MOB3B: variants seen among roughly 807,000 people sequenced by gnomAD.
MOB3B encodes the protein MOB kinase activator-like 2B.
In MOB3B, 7 loss-of-function variants were observed where a neutral mutation model predicts 18.7. The observed-to-expected ratio is 0.37, with a 90% CI of 0.21 to 0.70. MOB3B has a LOEUF of 0.70. MOB3B is among the 30% of genes least tolerant of loss of function. The pLI is 0.52. For missense variants in MOB3B, 253 were observed against 281.3 expected, an observed-to-expected ratio of 0.90 and a Z score of 0.72; for synonymous variants, 111 against 99.9, an observed-to-expected ratio of 1.11 and a Z score of -0.66.
chr9:27,410,347 T>C (rs868681841), intron 2 of MOB3B, among the ~76,000 whole-genome samples: 1 of 152,156 alleles, frequency 6.6e-6, no homozygotes, highest in Non-Finnish European at 1.5e-5. Flanking sequence ...ATAGTACAAG[T>C]GTAATGAATT....
chr9:27,378,323 T>G (rs773938972), intron 2 of MOB3B: 33 of 470,470 alleles, frequency 7.0e-5, no homozygotes, highest in African/African-American at 5.4e-4. Flanking sequence ...ATGCTGCATC[T>G]GGACATGGGT....
intron 1 of MOB3B, among the ~76,000 whole-genome samples, chr9:27,483,223 C>G (rs542558958): frequency 6.8e-6 from 1 of 147,372 alleles, no homozygotes; most frequent in Admixed American, 7.0e-5. Context: ...AGCTCCGCCT[C>G]CCGGGTTCAC....
intron 2 of MOB3B, among the ~76,000 whole-genome samples, chr9:27,442,935 G>A (rs1011948869): frequency 6.6e-6 from 1 of 152,122 alleles, no homozygotes; most frequent in Non-Finnish European, 1.5e-5. Flanking sequence ...ACAGCCCTGT[G>A]GGATAAGTGT....
intron 1 of MOB3B, among the ~76,000 whole-genome samples, chr9:27,512,330 A>G (rs1390191874): frequency 6.6e-6 from 1 of 152,192 alleles, no homozygotes; most frequent in Non-Finnish European, 1.5e-5. Context: ...GAACATTATG[A>G]GATTATTTAT....
intron 2 of MOB3B, among the ~76,000 whole-genome samples, chr9:27,391,374 G>A (rs1416818031): frequency 6.6e-6 from 1 of 152,124 alleles, no homozygotes; most frequent in African/African-American, 2.4e-5. Flanking sequence ...AAGCTTAAAA[G>A]GTCCCTAGGG....
Position 27,455,661 on chromosome 9 carries a change from G to A in MOB3B, c.-111C>T. ...TTCCACTGCCAGCACTCAGGCCCCA[G>A]TCTTACAGCCTGTAGCTTTTAAGCT... On this transcript the variant is annotated 5_prime_UTR_variant, in exon 2 of 4. Coordinates refer to ENST00000262244, the MANE Select transcript of MOB3B (RefSeq NM_024761.5). 6.4e-7 allele frequency: 1 copy of A among 1,556,126 alleles called. No individual in the cohort carries two copies.
intron 2 of MOB3B, among the ~76,000 whole-genome samples, chr9:27,368,353 T>TACACACACACAC (rs138287792): frequency 2.9e-4 from 42 of 145,986 alleles, no homozygotes; most frequent in Middle Eastern, 3.4e-3. Flanking sequence ...CACACATACA[T>TACACACACACAC]ACACACACAC....
intron 1 of MOB3B, among the ~76,000 whole-genome samples, chr9:27,467,724 C>T (rs189860147): frequency 9.2e-5 from 14 of 152,356 alleles, no homozygotes; most frequent in Admixed American, 5.9e-4. Flanking sequence ...TTTCCTCCTG[C>T]GAAGTGCCTG....
At chr9:27,381,021 T>A (rs1228192489) in intron 2 of MOB3B, among the ~76,000 whole-genome samples, 1 of 152,102 alleles carries the variant, frequency 6.6e-6, no homozygotes, top group Non-Finnish European at 1.5e-5. Flanking sequence ...TGGGTGAGCT[T>A]TGGAGGAACT....
chr9:27,481,715 T>A (rs1819659459), intron 1 of MOB3B, among the ~76,000 whole-genome samples: 1 of 151,664 alleles, frequency 6.6e-6, no homozygotes, highest in Non-Finnish European at 1.5e-5. Flanking sequence ...TTAGTAGAGA[T>A]GGGGTTTCAC....
chr9:27,493,877 G>C (rs961829587), intron 1 of MOB3B, among the ~76,000 whole-genome samples: 1 of 152,218 alleles, frequency 6.6e-6, no homozygotes, highest in Non-Finnish European at 1.5e-5. Flanking sequence ...GGAAAAAAGA[G>C]AGATAACCTT....
chr9:27,461,609 G>T (rs1049860888), intron 1 of MOB3B, among the ~76,000 whole-genome samples: 8 of 152,260 alleles, frequency 5.3e-5, no homozygotes, highest in Admixed American at 2.0e-4. Context: ...TAACCGTACA[G>T]AAGTCTGTCA....
intron 2 of MOB3B, among the ~76,000 whole-genome samples, chr9:27,359,611 A>G (rs1821245016): frequency 6.6e-6 from 1 of 152,164 alleles, no homozygotes; most frequent in African/African-American, 2.4e-5. Context: ...TCAAAATAAA[A>G]CATCTCTATA....
chr9:27,406,734 C>A (rs1821984932), intron 2 of MOB3B, among the ~76,000 whole-genome samples: 1 of 152,124 alleles, frequency 6.6e-6, no homozygotes, highest in Non-Finnish European at 1.5e-5. Context: ...ATACAAAAAT[C>A]AAATCAAAAT....
chr9:27,504,349 A>G (rs113973626), intron 1 of MOB3B, among the ~76,000 whole-genome samples: 2,368 of 152,302 alleles, frequency 0.016, 63 homozygotes, highest in African/African-American at 0.054. Context: ...AATTTAAATG[A>G]CACCCATCCT....
intron 2 of MOB3B, among the ~76,000 whole-genome samples, chr9:27,391,389 G>C (rs1171542184): frequency 6.6e-6 from 1 of 152,128 alleles, no homozygotes; most frequent in African/African-American, 2.4e-5. Context: ...CTAGGGGAAG[G>C]GGGCAGAGCT....
At chr9:27,528,666 G>C (rs909974425) in intron 1 of MOB3B, among the ~76,000 whole-genome samples, 2 of 152,206 alleles carry the variant, frequency 1.3e-5, no homozygotes, top group African/African-American at 4.8e-5. Flanking sequence ...TGTTGGAAAG[G>C]CAAACAATAG....
At chr9:27,442,993 T>C (rs1282798937) in intron 2 of MOB3B, among the ~76,000 whole-genome samples, 1 of 152,196 alleles carries the variant, frequency 6.6e-6, no homozygotes, top group Non-Finnish European at 1.5e-5. Flanking sequence ...AGGCAGAATT[T>C]GCTCGCCCCA....
chr9:27,403,585 C>A (rs543985761), intron 2 of MOB3B, among the ~76,000 whole-genome samples: 1 of 130,682 alleles, frequency 7.7e-6, no homozygotes, highest in Non-Finnish European at 1.5e-5. Flanking sequence ...CAGGCTAGAG[C>A]GCAATGGTGC....
Sources: gnomAD v4.1 joint callset for allele counts (sites outside exome capture counted in the v4.1 genomes callset) on GRCh38, gnomAD v4.1.1 for gene constraint, MANE v1.5 for transcripts, NCBI Gene and HGNC (gene_info 2026-07-23, HGNC 2026-07-21) for gene names.